DLGAP1: variants seen among roughly 807,000 people sequenced by gnomAD.
DLGAP1 encodes DLG associated protein 1, also known as disks large-associated protein 1.
In DLGAP1, 11 loss-of-function variants were observed where a neutral mutation model predicts 90.8. That is an observed-to-expected ratio of 0.12 (90% CI 0.08 to 0.20). The LOEUF (loss-of-function observed/expected upper bound fraction) is 0.20, where lower values mean the gene tolerates loss of function less well. Ranked by LOEUF, DLGAP1 falls within the 10% of genes least tolerant of loss-of-function variation. The probability of loss-of-function intolerance (pLI) is 1.00; values close to 1 mark genes in which losing one functional copy is unlikely to be tolerated. For missense variants in DLGAP1, 1,050 were observed against 1,333.8 expected, an observed-to-expected ratio of 0.79 and a Z score of 3.31; for synonymous variants, 558 against 540.7, an observed-to-expected ratio of 1.03 and a Z score of -0.44.
intron 7 of DLGAP1, among the ~76,000 whole-genome samples, chr18:3,656,458 C>T (rs535762364): frequency 2.6e-5 from 4 of 152,270 alleles, no homozygotes; most frequent in African/African-American, 7.2e-5. Context: ...CAATAGGATG[C>T]TAGGGACCAG....
At chr18:4,038,303 C>G (rs138925861) in intron 2 of DLGAP1, among the ~76,000 whole-genome samples, 2 of 152,298 alleles carry the variant, frequency 1.3e-5, no homozygotes, top group Non-Finnish European at 2.9e-5. Context: ...GAATTGGTAA[C>G]CTTTAATAAC....
chr18:4,227,133 G>A (rs753221255), intron 1 of DLGAP1, among the ~76,000 whole-genome samples: 16 of 151,798 alleles, frequency 1.1e-4, no homozygotes, highest in South Asian at 2.1e-4. Flanking sequence ...TAATGATAAC[G>A]GGGTCAATTC....
At chr18:4,336,817 C>T in intron 1 of DLGAP1, among the ~76,000 whole-genome samples, 1 of 151,864 alleles carries the variant, frequency 6.6e-6, no homozygotes, top group East Asian at 1.9e-4. Flanking sequence ...AGAGTGTAAA[C>T]TCCTTGAGGA....
At chr18:3,869,452 A>G (rs1483150195) in intron 4 of DLGAP1, among the ~76,000 whole-genome samples, 1 of 152,212 alleles carries the variant, frequency 6.6e-6, no homozygotes, top group Non-Finnish European at 1.5e-5. Context: ...GCTACGCTGA[A>G]GGGTGAGGTG....
rs149560876 is a variant in DLGAP1 at position 4,291,727 on chromosome 18, A to C, written c.-266-140440T>G. On this transcript the variant is annotated intron_variant, in intron 1 of 12. Coordinates refer to ENST00000315677, the MANE Select transcript of DLGAP1 (RefSeq NM_004746.4). ...TAATTTATATTGTGTTTATTGTTAAAATTTCAGCTGGCAAAGGAAGCCTAT... is the reference window on the plus strand; with the variant it reads ...TAATTTATATTGTGTTTATTGTTAACATTTCAGCTGGCAAAGGAAGCCTAT... Among the ~76,000 whole-genome samples, 953 of 152,280 alleles carry C rather than the reference A, an allele frequency of 6.3e-3. 1 individual carries two copies. Among genetic ancestry groups the C allele is most frequent in the Non-Finnish European group, 0.011 (730 of 67,996 alleles).
At position 4,183,814 on chromosome 18, in the gene DLGAP1, A is replaced by T. The variant is rs1195037138; in HGVS notation, c.-266-32527T>A. ...TAAATTAATTCTCCCTCTTGGTCTA[A>T]AACTAACATCTGAAAATACTGTACT... On this transcript the variant is annotated intron_variant, in intron 1 of 12. Transcript: ENST00000315677. Among the ~76,000 whole-genome samples, 3 of 152,144 alleles carry T rather than the reference A, an allele frequency of 2.0e-5. No homozygotes were observed. The East Asian group carries it at 5.8e-4, about 29-fold the overall frequency.
rs543599730 is a variant in DLGAP1, at chr18:4,396,089, T to C, written c.-267+58917A>G. On this transcript the variant is annotated intron_variant, in intron 1 of 12. Coordinates refer to ENST00000315677, the MANE Select transcript of DLGAP1 (RefSeq NM_004746.4). ...GAAAGCTAGAGTAATTGGCTGCAGA[T>C]GTTTGAAAGATACTGTTAGTCTTTT... 5.7e-4 allele frequency among the ~76,000 whole-genome samples: 87 copies of C among 152,322 alleles called. No homozygotes were observed. In the South Asian group the frequency reaches 0.018, roughly 31 times the overall value.
chr18:3,628,212 C>G (rs1196000599), intron 7 of DLGAP1, among the ~76,000 whole-genome samples: 3 of 122,062 alleles, frequency 2.5e-5, no homozygotes, highest in South Asian at 5.2e-4. Flanking sequence ...TTTTTTGAGA[C>G]GGAGTCTCGC....
intron 1 of DLGAP1, among the ~76,000 whole-genome samples, chr18:4,188,411 G>T (rs761296466): frequency 6.6e-6 from 1 of 152,006 alleles, no homozygotes; most frequent in Non-Finnish European, 1.5e-5. Flanking sequence ...CTATCAACCC[G>T]TCATCTTAAG....
intron 7 of DLGAP1, among the ~76,000 whole-genome samples, chr18:3,690,248 GGCTAATTTTT>G (rs1444519412): frequency 2.6e-5 from 4 of 151,792 alleles, no homozygotes; most frequent in Non-Finnish European, 4.4e-5. Flanking sequence ...CATGAAGCCC[GGCTAATTTTT>G]GTATTTTTTG....
chr18:3,827,115 C>T (rs923038058), intron 4 of DLGAP1, among the ~76,000 whole-genome samples: 1 of 152,142 alleles, frequency 6.6e-6, no homozygotes, highest in African/African-American at 2.4e-5. Flanking sequence ...CATGGGTCAT[C>T]TAAGCAGAGA....
intron 6 of DLGAP1, among the ~76,000 whole-genome samples, chr18:3,740,486 C>T (rs1367897090): frequency 6.6e-6 from 1 of 152,106 alleles, no homozygotes; most frequent in Non-Finnish European, 1.5e-5. Context: ...GGCTCCCTCC[C>T]TACTCTGCCC....
rs189811583 is a variant in DLGAP1, at chr18:3,598,763, C to T, written c.1592-16515G>A. On this transcript the variant is annotated intron_variant, in intron 7 of 12. Transcript: ENST00000315677. ...GATTAAGGGCGTGAGCCACCGCGCC[C>T]GGTCCCCTCCATTACTCCTTAAGTG... Among the ~76,000 whole-genome samples the T allele has an allele frequency of 1.3e-3, 198 of 151,470 alleles. 2 individuals are homozygous for T. The Middle Eastern group carries it at 0.014, about 11-fold the overall frequency.
At chr18:3,713,082 CTA>C in intron 7 of DLGAP1, among the ~76,000 whole-genome samples, 1 of 152,322 alleles carries the variant, frequency 6.6e-6, no homozygotes, top group Middle Eastern at 3.4e-3. Context: ...CAGATGCAGA[CTA>C]TTGGGAGATC....
chr18:3,700,049 G>C (rs2061226637), intron 7 of DLGAP1, among the ~76,000 whole-genome samples: 1 of 152,204 alleles, frequency 6.6e-6, no homozygotes, highest in African/African-American at 2.4e-5. Context: ...GTGGATCTTA[G>C]CTTGCTAGGC....
chr18:3,808,350 G>C (rs1301189446), intron 5 of DLGAP1, among the ~76,000 whole-genome samples: 2 of 152,006 alleles, frequency 1.3e-5, no homozygotes, highest in East Asian at 3.9e-4. Context: ...AAGTGGGAGT[G>C]GGGAGTTAGA....
intron 4 of DLGAP1, among the ~76,000 whole-genome samples, chr18:3,865,781 C>G (rs1356608004): frequency 6.6e-6 from 1 of 152,106 alleles, no homozygotes; most frequent in East Asian, 1.9e-4. Context: ...AACGGCTACC[C>G]CAGAAACTTC....
intron 7 of DLGAP1, among the ~76,000 whole-genome samples, chr18:3,606,196 G>A (rs2057318739): frequency 6.6e-6 from 1 of 152,176 alleles, no homozygotes; most frequent in Non-Finnish European, 1.5e-5. Context: ...AAGCTCTAAT[G>A]TCTGTCTCAT....
At chr18:3,529,318 C>T (rs760980293) in intron 10 of DLGAP1, among the ~76,000 whole-genome samples, 1 of 152,138 alleles carries the variant, frequency 6.6e-6, no homozygotes, top group African/African-American at 2.4e-5. Flanking sequence ...CAGAGAGCAG[C>T]CCTTGCCAGA....
Sources: gnomAD v4.1 joint callset for allele counts (sites outside exome capture counted in the v4.1 genomes callset) on GRCh38, gnomAD v4.1.1 for gene constraint, MANE v1.5 for transcripts, NCBI Gene and HGNC (gene_info 2026-07-23, HGNC 2026-07-21) for gene names.